Variants in NAA38 observed in about 807,000 individuals in gnomAD.
The protein encoded by NAA38 is LSM domain containing 1.
NAA38 carries 15 observed loss-of-function variants against 12.6 expected under a neutral mutation model. The observed-to-expected ratio is 1.19, with a 90% CI of 0.79 to 1.83. NAA38 has a LOEUF of 1.83. Among genes scored for constraint, NAA38 ranks in the 40% most tolerant of loss-of-function variants. NAA38 has a pLI of 0.00. For synonymous variants in NAA38, 88 were observed against 69.9 expected (o/e 1.26, Z -1.29); for missense variants, 183 against 171.7 (o/e 1.07, Z -0.37).
In NAA38 at chr17:7,857,427, C is replaced by T; in HGVS notation, c.37G>A (p.Glu13Lys). 6.3e-7 allele frequency: 1 copy of T among 1,588,408 alleles called. No individual in the cohort carries two copies. Among genetic ancestry groups the T allele is most frequent in the Non-Finnish European group, 8.5e-7 (1 of 1,169,726 alleles). ...GAGPTMLLRE[E>K]NGCCSRRQSS... ...TGACGCCGACTGCAACAGCCATTCT[C>T]TTCTCGTAGCAGCATGGTCGGTCCA... Residue 13 changes from glutamate to lysine, a missense_variant, in exon 1 of 3, where the codon GAG becomes AAG. Transcript: ENST00000575771.
chr17:7,875,341 T>TTGTCATTGTACTTG (rs1203616043), intron 2 of NAA38, among the ~76,000 whole-genome samples: 24 of 152,152 alleles, frequency 1.6e-4, no homozygotes, highest in Middle Eastern at 3.4e-3. Context: ...TGGTTTGTAC[T>TTGTCATTGTACTTG]GTTTTTTTTT....
intron 2 of NAA38, among the ~76,000 whole-genome samples, chr17:7,880,623 T>C (rs183107604): frequency 2.8e-4 from 42 of 152,320 alleles, no homozygotes; most frequent in African/African-American, 7.9e-4. Context: ...AGAATTCATA[T>C]AGACTAAGTG....
chr17:7,861,756 T>A (rs2078884759), upstream of NAA38: 1 of 152,240 alleles, frequency 6.6e-6, no homozygotes, highest in African/African-American at 2.4e-5. Flanking sequence ...GTTCTCCCAT[T>A]TCCACTTCTG....
chr17:7,877,043 AT>A (rs1438790526), intron 2 of NAA38: 5 of 389,624 alleles, frequency 1.3e-5, no homozygotes, highest in South Asian at 5.7e-5. Context: ...TTGCTTACAC[AT>A]TTTTCACTTC....
chr17:7,859,771 C>T, upstream of NAA38: 1 of 625,344 alleles, frequency 1.6e-6, no homozygotes, highest in African/African-American at 1.8e-5. Flanking sequence ...AGGCCCTATT[C>T]CCTGCCTTCA....
At chr17:7,885,412 G>A (rs1218160187), upstream of NAA38, among the ~76,000 whole-genome samples, 2 of 150,184 alleles carry the variant, frequency 1.3e-5, no homozygotes, top group African/African-American at 4.9e-5. Flanking sequence ...GCGGCTTTCG[G>A]GGGAGGAGGA....
intron 2 of NAA38, 71 bp downstream of exon 2, chr17:7,856,944 C>T (rs771783239): frequency 2.5e-6 from 4 of 1,588,706 alleles, no homozygotes; most frequent in Non-Finnish European, 1.7e-6. Flanking sequence ...GCAGCCAGGC[C>T]CTTAAGGGGA....
upstream of NAA38, chr17:7,863,036 C>CAGTT (rs767075901): frequency 5.3e-5 from 8 of 152,002 alleles, no homozygotes; most frequent in African/African-American, 9.7e-5. Context: ...GAAAGGAGTG[C>CAGTT]AGTTAGGAAT....
chr17:7,883,593 G>C (rs1373536964), intron 1 of NAA38, among the ~76,000 whole-genome samples: 1 of 151,834 alleles, frequency 6.6e-6, no homozygotes, highest in Admixed American at 6.6e-5. Context: ...CTCAATCATC[G>C]TATCTATTCA....
At chr17:7,864,225 T>C (rs929904577) in intron 3 of NAA38, 7 of 152,102 alleles carry the variant, frequency 4.6e-5, no homozygotes, top group Non-Finnish European at 7.4e-5. Flanking sequence ...AAGCCAAAGA[T>C]TAAGGATTCA....
intron 2 of NAA38, among the ~76,000 whole-genome samples, chr17:7,869,005 A>G (rs2151389803): frequency 6.6e-6 from 1 of 152,334 alleles, no homozygotes; most frequent in Admixed American, 6.5e-5. Flanking sequence ...CTTTGCTCCT[A>G]AAGGATTTTA....
intron 2 of NAA38, among the ~76,000 whole-genome samples, chr17:7,881,964 C>T (rs1400375985): frequency 6.6e-6 from 1 of 151,120 alleles, no homozygotes; most frequent in Non-Finnish European, 1.5e-5. Flanking sequence ...GACACCATAA[C>T]AGGAGCAAGC....
upstream of NAA38, chr17:7,858,675 G>A: frequency 6.2e-7 from 1 of 1,611,044 alleles, no homozygotes; most frequent in Non-Finnish European, 8.5e-7. Context: ...CTTTGTGCAC[G>A]TTCCGCCTCA....
At chr17:7,858,656 G>A (rs1597873061), upstream of NAA38, 4 of 1,609,374 alleles carry the variant, frequency 2.5e-6, no homozygotes, top group East Asian at 2.2e-5. Context: ...ACTGCACCCC[G>A]CGGGGCCGCT....
At position 7,872,467 on chromosome 17, in the gene NAA38, A is replaced by G. The variant is rs147441806; in HGVS notation, c.-65-5909T>C. On this transcript the variant is annotated intron_variant, in intron 2 of 4. Coordinates refer to the NAA38 transcript ENST00000576861. ...TCACTGCAACCTCCGCGTTCAGGTG[A>G]TTCTCCTGCCTTAGCCTCCTGAGTA... Among the ~76,000 whole-genome samples the G allele has an allele frequency of 2.2e-4, 33 of 152,262 alleles. No individual in the cohort carries two copies. In the East Asian group the frequency reaches 6.0e-3, roughly 28 times the overall value.
At chr17:7,873,832 T>C (rs1019008507) in intron 2 of NAA38, among the ~76,000 whole-genome samples, 1 of 152,214 alleles carries the variant, frequency 6.6e-6, no homozygotes, top group South Asian at 2.1e-4. Flanking sequence ...AGATTTTCTA[T>C]CCATTATGAT....
chr17:7,857,189 C>G lies in NAA38; in HGVS notation c.91G>C (p.Gly31Arg). Residue 31 changes from glycine to arginine, a missense_variant, in exon 2 of 3, where the codon GGA (glycine) becomes CGA (arginine). Physicochemically the swap from Gly to Arg is moderately radical, Grantham distance 125. Transcript: ENST00000575771. The stretch of plus-strand genomic sequence containing the variant: ...TCAGCCGCCGAGTCCTCGCGCTCTC[C>G]GTCCGAATCCTGCGCGGGGTGTAAC... ...QSSSSAGDSD[G>R]EREDSAAERA... The G allele has an allele frequency of 1.9e-6, 3 of 1,613,094 alleles. No homozygotes were observed. The highest frequency in any genetic ancestry group is 2.5e-6 in the Non-Finnish European group (3 of 1,180,026).
At chr17:7,878,028 T>C (rs1404233437) in intron 2 of NAA38, among the ~76,000 whole-genome samples, 2 of 151,936 alleles carry the variant, frequency 1.3e-5, no homozygotes, top group Non-Finnish European at 2.9e-5. Flanking sequence ...CTAAAATATG[T>C]ACCTATATTA....
intron 1 of NAA38, chr17:7,885,106 C>G: frequency 3.1e-6 from 3 of 983,010 alleles, no homozygotes; most frequent in Non-Finnish European, 3.6e-6. Flanking sequence ...CCCGACTCCC[C>G]CCCCAAGCCC....
Sources: allele counts gnomAD v4.1 joint callset (sites outside exome capture counted in the v4.1 genomes callset), GRCh38; gene constraint gnomAD v4.1.1; transcripts MANE v1.5; gene names NCBI Gene and HGNC (gene_info 2026-07-23, HGNC 2026-07-21).